Variants in PTPRA observed in about 807,000 individuals in gnomAD.
PTPRA encodes protein tyrosine phosphatase receptor type A, also known as receptor-type tyrosine-protein phosphatase alpha.
Under a neutral mutation model 104.8 loss-of-function variants are expected in PTPRA, and 25 were observed. The observed-to-expected ratio is 0.24, with a 90% CI of 0.17 to 0.33. PTPRA has a LOEUF of 0.33. Among genes scored for constraint, PTPRA ranks in the 10% least tolerant of loss-of-function variants. The probability of loss-of-function intolerance (pLI) is 1.00; values close to 1 mark genes in which losing one functional copy is unlikely to be tolerated. For synonymous variants in PTPRA, 323 were observed against 368.9 expected (o/e 0.88, Z 1.43); for missense variants, 765 against 1,015.3 (o/e 0.75, Z 3.35).
At chr20:2,865,544 G>C in the PTPRA span, 627 of 1,552,218 alleles carry the variant, frequency 4.0e-4, 1 homozygote, top group East Asian at 3.7e-3. The surrounding 1 kb of genome is among the most constrained non-coding windows in gnomAD (Gnocchi z 5.2). Context: ...GGTAGTCTTC[G>C]GGAGAGAGGG....
intron 1 of PTPRA, among the ~76,000 whole-genome samples, chr20:2,893,351 C>G (rs1249712970): frequency 6.6e-6 from 1 of 152,168 alleles, no homozygotes; most frequent in East Asian, 1.9e-4. Context: ...AAAGTATAAT[C>G]AACTACATGA....
intron 3 of PTPRA, among the ~76,000 whole-genome samples, chr20:2,959,115 G>A (rs2061653082): frequency 1.3e-5 from 2 of 152,152 alleles, no homozygotes; most frequent in Admixed American, 1.3e-4. Flanking sequence ...GATTTTCCTG[G>A]TCGTGGTCTA....
intron 13 of PTPRA, among the ~76,000 whole-genome samples, chr20:3,020,101 G>A (rs577406025): frequency 4.1e-4 from 63 of 152,020 alleles, no homozygotes; most frequent in Admixed American, 9.8e-4. Flanking sequence ...GAGAGGGAGA[G>A]GGAGAGCTGT....
chr20:3,019,152 G>A (rs1307296947), intron 13 of PTPRA, among the ~76,000 whole-genome samples: 1 of 145,986 alleles, frequency 6.8e-6, no homozygotes, highest in Non-Finnish European at 1.5e-5. Flanking sequence ...CCGGGCGGGG[G>A]GCTGATCCCC....
At chr20:2,901,171 ATCTTGGCCAGACTGGCC>A (rs1430831095) in intron 1 of PTPRA, among the ~76,000 whole-genome samples, 1 of 152,024 alleles carries the variant, frequency 6.6e-6, no homozygotes, top group African/African-American at 2.4e-5. Context: ...GGGTTTCACC[ATCTTGGCCAGACTGGCC>A]TCGAACTCCT....
intron 5 of PTPRA, among the ~76,000 whole-genome samples, chr20:2,967,374 C>G (rs1352204260): frequency 6.6e-6 from 1 of 152,112 alleles, no homozygotes; most frequent in Non-Finnish European, 1.5e-5. Context: ...GTCTTAAACC[C>G]CACATCCCAC....
intron 9 of PTPRA, among the ~76,000 whole-genome samples, chr20:3,003,232 T>C (rs948919158): frequency 2.0e-5 from 3 of 152,226 alleles, no homozygotes; most frequent in African/African-American, 7.2e-5. Flanking sequence ...TCCCCACTCT[T>C]TGCTCTGTAT....
In PTPRA at chr20:2,935,222, G is replaced by A. The variant is rs186603219; in HGVS notation, c.-50+11937G>A. 9.2e-4 allele frequency among the ~76,000 whole-genome samples: 140 copies of A among 152,020 alleles called. 1 individual carries two copies. In the East Asian group the frequency reaches 0.02, roughly 22 times the overall value. ...ATGAATTCAACTTTTTACATTCCAC[G>A]TGTAAGTGAGATCATGTGATATTTG... is the stretch of plus-strand genomic sequence containing the variant. On this transcript the variant is annotated intron_variant, in intron 2 of 23. Transcript: ENST00000399903.
chr20:2,925,821 A>G (rs2060272660), intron 2 of PTPRA, among the ~76,000 whole-genome samples: 1 of 151,588 alleles, frequency 6.6e-6, no homozygotes, highest in Non-Finnish European at 1.5e-5. Flanking sequence ...TCAATTGAAA[A>G]AACAAAAACA....
intron 2 of PTPRA, among the ~76,000 whole-genome samples, chr20:2,932,428 A>G (rs928458037): frequency 6.6e-6 from 1 of 152,224 alleles, no homozygotes; most frequent in East Asian, 1.9e-4. Flanking sequence ...TGTTTAGAAC[A>G]TCCGTGTCTA....
At chr20:2,909,662 A>G (rs1043163662) in intron 1 of PTPRA, among the ~76,000 whole-genome samples, 2 of 149,998 alleles carry the variant, frequency 1.3e-5, no homozygotes, top group Admixed American at 1.4e-4. Context: ...GAATGAGTGC[A>G]GCTACATTCT....
At chr20:3,009,614 A>G (rs2064059992) in intron 11 of PTPRA, among the ~76,000 whole-genome samples, 1 of 152,164 alleles carries the variant, frequency 6.6e-6, no homozygotes, top group African/African-American at 2.4e-5. Context: ...TAATGGTTAC[A>G]TGTTTGTAGT....
chr20:2,892,289 C>CAAA (rs34741114), intron 1 of PTPRA, among the ~76,000 whole-genome samples: 29 of 80,348 alleles, frequency 3.6e-4, no homozygotes, highest in East Asian at 6.6e-4. Flanking sequence ...GACTCTGTCT[C>CAAA]AAAAAAAAAA....
intron 1 of PTPRA, among the ~76,000 whole-genome samples, chr20:2,877,933 A>G (rs2089827214): frequency 6.6e-6 from 1 of 152,104 alleles, no homozygotes; most frequent in Non-Finnish European, 1.5e-5. Context: ...CAGGTGGATC[A>G]TGAGGTCAAG....
intron 3 of PTPRA, among the ~76,000 whole-genome samples, chr20:2,963,917 A>G (rs1202308566): frequency 6.6e-6 from 1 of 152,022 alleles, no homozygotes; most frequent in Non-Finnish European, 1.5e-5. Flanking sequence ...GTACATGCCT[A>G]TAGTCCCAGC....
At chr20:3,005,229 A>G (rs1346488199) in intron 10 of PTPRA, 83 bp downstream of exon 10, 3 of 1,332,862 alleles carry the variant, frequency 2.3e-6, no homozygotes, top group Non-Finnish European at 3.2e-6. Flanking sequence ...GAATCTTGCA[A>G]TTGGGCACAG....
intron 1 of PTPRA, among the ~76,000 whole-genome samples, chr20:2,885,206 CTTG>C (rs577182961): frequency 2.8e-4 from 42 of 152,240 alleles, no homozygotes; most frequent in Admixed American, 6.5e-4. Flanking sequence ...CTTGTCAACA[CTTG>C]TTGTTTTTTT....
chr20:2,946,345 T>C (rs985725329), intron 2 of PTPRA, among the ~76,000 whole-genome samples: 1 of 152,138 alleles, frequency 6.6e-6, no homozygotes. Flanking sequence ...GAATCTAGGC[T>C]CCAGGTGTAG....
At chr20:2,905,373 A>G (rs958125562) in intron 1 of PTPRA, among the ~76,000 whole-genome samples, 1 of 152,044 alleles carries the variant, frequency 6.6e-6, no homozygotes, top group Non-Finnish European at 1.5e-5. Context: ...AAAGTTGAAC[A>G]CTCATGGCTG....
Sources: allele counts gnomAD v4.1 joint callset (sites outside exome capture counted in the v4.1 genomes callset), GRCh38; gene constraint gnomAD v4.1.1; non-coding constraint Gnocchi (gnomAD v3.1); transcripts MANE v1.5; gene names NCBI Gene and HGNC (gene_info 2026-07-23, HGNC 2026-07-21).